Variants in TOX2 observed in about 807,000 individuals in gnomAD.
TOX2 encodes the protein granulosa cell HMG box 1.
In TOX2, 15 loss-of-function variants were observed where a neutral mutation model predicts 47.4. The ratio of observed to expected loss-of-function variants is 0.32; its 90% CI spans 0.21 to 0.49. The LOEUF is 0.49. Ranked by LOEUF, TOX2 falls within the 20% of genes least tolerant of loss-of-function variation. TOX2 has a pLI of 0.99. For synonymous variants in TOX2, 290 were observed against 296.6 expected (o/e 0.98, Z 0.23); for missense variants, 622 against 673.1 (o/e 0.92, Z 0.84).
At chr20:44,007,804 C>CA (rs552379056) in intron 3 of TOX2, among the ~76,000 whole-genome samples, 83 of 152,104 alleles carry the variant, frequency 5.5e-4, no homozygotes, top group Non-Finnish European at 9.1e-4. Flanking sequence ...GACCCTTTCT[C>CA]AAAAAAACAA....
At chr20:44,018,021 T>G (rs932881396) in intron 3 of TOX2, among the ~76,000 whole-genome samples, 2 of 152,174 alleles carry the variant, frequency 1.3e-5, no homozygotes, top group African/African-American at 4.8e-5. Context: ...TGTGAGGCAC[T>G]TGCAGCTTGG....
chr20:44,003,274 C>T (rs1240628009), intron 2 of TOX2, among the ~76,000 whole-genome samples: 1 of 151,336 alleles, frequency 6.6e-6, no homozygotes, highest in Non-Finnish European at 1.5e-5. Flanking sequence ...TCAGCCTTGA[C>T]ATCCTGGGCT....
At chr20:44,056,836 G>GTT (rs1434385132) in intron 5 of TOX2, among the ~76,000 whole-genome samples, 2 of 151,924 alleles carry the variant, frequency 1.3e-5, no homozygotes, top group Non-Finnish European at 1.5e-5. Context: ...AGTCTTCTAG[G>GTT]TTTAAAAAAA....
chr20:43,962,554 T>G (rs1326470948), intron 1 of TOX2, among the ~76,000 whole-genome samples: 1 of 152,226 alleles, frequency 6.6e-6, no homozygotes, highest in Non-Finnish European at 1.5e-5. Context: ...TCTACTTTGT[T>G]CTCTGCTGTT....
At chr20:44,033,217 G>T (rs1222199028) in intron 3 of TOX2, among the ~76,000 whole-genome samples, 2 of 152,124 alleles carry the variant, frequency 1.3e-5, no homozygotes, top group Non-Finnish European at 2.9e-5. Flanking sequence ...CTTCCTATTG[G>T]TTCTCTTTTC....
chr20:43,994,218 A>G (rs953362353), intron 2 of TOX2, among the ~76,000 whole-genome samples: 12 of 151,964 alleles, frequency 7.9e-5, no homozygotes, highest in South Asian at 2.1e-4. Flanking sequence ...TACTCCCAGC[A>G]CTTTGGGAGG....
intron 1 of TOX2, among the ~76,000 whole-genome samples, chr20:43,950,559 A>G (rs950100535): frequency 6.7e-6 from 1 of 149,034 alleles, no homozygotes; most frequent in Non-Finnish European, 1.5e-5. Flanking sequence ...GGCAGCTCCC[A>G]TCTTAGGGCC....
At chr20:44,039,237 A>G in intron 3 of TOX2, 4 of 1,289,440 alleles carry the variant, frequency 3.1e-6, no homozygotes, top group Non-Finnish European at 4.0e-6. Context: ...CAGGTAAGCC[A>G]TAAAGGAGGA....
intron 3 of TOX2, among the ~76,000 whole-genome samples, chr20:44,030,807 TAAG>T (rs2071138384): frequency 1.3e-5 from 2 of 152,298 alleles, no homozygotes; most frequent in Non-Finnish European, 2.9e-5. Context: ...TGAAAAATCC[TAAG>T]AACAAGAGTT....
At chr20:44,008,236 T>A (rs2070720073) in intron 3 of TOX2, among the ~76,000 whole-genome samples, 1 of 151,904 alleles carries the variant, frequency 6.6e-6, no homozygotes, top group Non-Finnish European at 1.5e-5. Context: ...GGGTCCTGAA[T>A]CCCATTCTAA....
At chr20:44,033,887 C>T (rs1397724063) in intron 3 of TOX2, among the ~76,000 whole-genome samples, 3 of 152,136 alleles carry the variant, frequency 2.0e-5, no homozygotes, top group Non-Finnish European at 2.9e-5. Flanking sequence ...GAAACTAATA[C>T]ACAGAGTCTC....
At chr20:44,053,514 T>C (rs1343587090) in intron 4 of TOX2, among the ~76,000 whole-genome samples, 1 of 141,624 alleles carries the variant, frequency 7.1e-6, no homozygotes, top group Non-Finnish European at 1.5e-5. Context: ...ATATATACTA[T>C]ATATACACAT....
At chr20:43,930,747 A>T (rs1380709630) in intron 1 of TOX2, among the ~76,000 whole-genome samples, 1 of 152,104 alleles carries the variant, frequency 6.6e-6, no homozygotes, top group South Asian at 2.1e-4. Context: ...CTTCTTTTTT[A>T]AAAAAATTAA....
At chr20:44,028,842 C>T (rs953853310) in intron 3 of TOX2, among the ~76,000 whole-genome samples, 17 of 152,304 alleles carry the variant, frequency 1.1e-4, no homozygotes, top group African/African-American at 4.1e-4. Flanking sequence ...TAGTTATCCA[C>T]CTGCTGTGAC....
chr20:43,963,076 C>T (rs2069789231), intron 1 of TOX2, among the ~76,000 whole-genome samples: 1 of 152,070 alleles, frequency 6.6e-6, no homozygotes, highest in East Asian at 1.9e-4. Context: ...GGACTAGGCA[C>T]AATTCAAGTG....
intron 1 of TOX2, among the ~76,000 whole-genome samples, chr20:43,927,458 A>AACACACACACACAC (rs34410581): frequency 3.1e-4 from 41 of 131,476 alleles, no homozygotes; most frequent in South Asian, 8.8e-4. Context: ...TGATCTATAT[A>AACACACACACACAC]ACACACACAC....
Position 44,047,869 on chromosome 20 carries a change from A to T in TOX2, c.412-3437A>T, listed in dbSNP as rs2071435425. Among the ~76,000 whole-genome samples the T allele has an allele frequency of 1.3e-5, 2 of 149,838 alleles. 1 individual carries two copies. The highest frequency in any genetic ancestry group is 3.0e-5 in the Non-Finnish European group (2 of 67,556). ...AAAAAAATTAAAAAAAAAAAAAAAA[A>T]AAAAAAAAAAAAAAATAAAATATAA... On this transcript the variant is annotated intron_variant, in intron 3 of 8. Coordinates refer to ENST00000341197, the MANE Select transcript of TOX2 (RefSeq NM_001098797.2).
intron 2 of TOX2, among the ~76,000 whole-genome samples, chr20:44,001,345 TA>T (rs1425368943): frequency 4.6e-5 from 7 of 152,154 alleles, no homozygotes; most frequent in African/African-American, 1.7e-4. Flanking sequence ...ACATATGAAC[TA>T]AATGGAGAAG....
At position 43,936,594 on chromosome 20, in the gene TOX2, G is replaced by A. The variant is rs575737618; in HGVS notation, c.99+21604G>A. On this transcript the variant is annotated intron_variant, in intron 1 of 8. Transcript: ENST00000341197. ...GGCAGTTTGCATGCTGCTGGCTGGG[G>A]GCTGGCTGGTTGTTGGCTCAGCTCC... 6.0e-3 allele frequency among the ~76,000 whole-genome samples: 912 copies of A among 152,216 alleles called. 5 individuals are homozygous for A. The highest frequency in any genetic ancestry group is 0.01 in the Middle Eastern group (3 of 294).
Sources: allele counts gnomAD v4.1 joint callset (sites outside exome capture counted in the v4.1 genomes callset), GRCh38; gene constraint gnomAD v4.1.1; transcripts MANE v1.5; gene names NCBI Gene and HGNC (gene_info 2026-07-23, HGNC 2026-07-21).